The following BAZ2B variants were observed in gnomAD, a reference collection of about 807,000 sequenced individuals.
BAZ2B encodes the protein bromodomain adjacent to zinc finger domain protein 2B.
BAZ2B carries 91 observed loss-of-function variants against 246.0 expected under a neutral mutation model. That is an observed-to-expected ratio of 0.37 (90% CI 0.31 to 0.44). BAZ2B has a LOEUF of 0.44. Ranked by LOEUF, BAZ2B falls within the 20% of genes least tolerant of loss-of-function variation. The pLI, the probability that BAZ2B is intolerant of heterozygous loss-of-function variation, is 1.00. For missense variants in BAZ2B, 2,332 were observed against 2,533.7 expected, an observed-to-expected ratio of 0.92 and a Z score of 1.71; for synonymous variants, 855 against 860.0, an observed-to-expected ratio of 0.99 and a Z score of 0.10.
chr2:159,503,575 T>TA (rs1553682596), intron 2 of BAZ2B, among the ~76,000 whole-genome samples: 9 of 152,110 alleles, frequency 5.9e-5, no homozygotes, highest in Non-Finnish European at 1.2e-4. Context: ...CCTTCTTCTT[T>TA]TTTATTTATT....
intron 6 of BAZ2B, among the ~76,000 whole-genome samples, chr2:159,442,095 A>G (rs2073513720): frequency 6.6e-6 from 1 of 152,308 alleles, no homozygotes; most frequent in South Asian, 2.1e-4. Context: ...TGAGTGATAA[A>G]TACCATAAGT....
intron 22 of BAZ2B, 150 bp downstream of exon 22, chr2:159,386,203 G>T: frequency 1.1e-6 from 1 of 907,412 alleles, no homozygotes; most frequent in Non-Finnish European, 1.6e-6. Context: ...TGTATGAAGT[G>T]TAACCTGACA....
At chr2:159,528,538 C>G (rs553663836) in intron 2 of BAZ2B, among the ~76,000 whole-genome samples, 1 of 151,970 alleles carries the variant, frequency 6.6e-6, no homozygotes, top group East Asian at 1.9e-4. Context: ...GAAAAATTAG[C>G]CAGGTGTGGT....
At chr2:159,689,460 C>T in the BAZ2B span, 27 of 230,326 alleles carry the variant, frequency 1.2e-4, no homozygotes, top group Non-Finnish European at 1.1e-4. Context: ...CAACCTCTGC[C>T]TCCCAGGTTC....
At chr2:159,657,962 A>G in the BAZ2B span, among the ~76,000 whole-genome samples, 2 of 152,200 alleles carry the variant, frequency 1.3e-5, no homozygotes, top group African/African-American at 4.8e-5. Context: ...GCACTTCAGT[A>G]TGACACCGAA....
chr2:159,575,329 G>C (rs1006558177), intron 1 of BAZ2B, among the ~76,000 whole-genome samples: 14 of 152,026 alleles, frequency 9.2e-5, no homozygotes, highest in African/African-American at 3.4e-4. Flanking sequence ...ATGCAGAAAG[G>C]GAGAGTAGAT....
At chr2:159,524,262 T>C (rs1183853499) in intron 2 of BAZ2B, among the ~76,000 whole-genome samples, 1 of 151,466 alleles carries the variant, frequency 6.6e-6, no homozygotes, top group Non-Finnish European at 1.5e-5. Context: ...TCTACAAAAA[T>C]TTTAAAAAAT....
rs554608687 is a variant in BAZ2B, at chr2:159,456,811, A to T, written c.146-3010T>A. On this transcript the variant is annotated intron_variant, in intron 3 of 36. Coordinates refer to ENST00000392783, the MANE Select transcript of BAZ2B (RefSeq NM_013450.4). ...TTCACGTCTATATTTAGTAAAGTAT[A>T]CTAAGATCACTTATCATAATTGTAG... Among the ~76,000 whole-genome samples the T allele has an allele frequency of 3.9e-5, 6 of 152,314 alleles. No homozygotes were observed. In the East Asian group the frequency reaches 7.7e-4, roughly 20 times the overall value.
chr2:159,689,733 CT>C, the BAZ2B span: 1 of 459,380 alleles, frequency 2.2e-6, no homozygotes, highest in Non-Finnish European at 4.0e-6. Context: ...CAAGACTTTT[CT>C]ATGTCTTTTC....
chr2:159,423,290 T>A (rs544778205), intron 13 of BAZ2B, among the ~76,000 whole-genome samples: 1 of 140,530 alleles, frequency 7.1e-6, no homozygotes, highest in South Asian at 2.2e-4. Context: ...CACTCCAGCC[T>A]GGGTGACAGA....
chr2:159,587,779 A>T lies in BAZ2B; in HGVS notation c.-46+28463T>A, dbSNP rs1270909711. On this transcript the variant is annotated intron_variant, in intron 1 of 36. Transcript: ENST00000392783. ...CCCCTACTAGTCTGCGAACAGAAAG[A>T]AAAGTAACCACGTTATTCATCTCTG... Among the ~76,000 whole-genome samples the T allele has an allele frequency of 2.0e-5, 3 of 152,232 alleles. No individual in the cohort carries two copies. The East Asian group carries it at 5.8e-4, about 29-fold the overall frequency.
intron 20 of BAZ2B, among the ~76,000 whole-genome samples, chr2:159,391,722 C>T (rs1019426099): frequency 6.6e-6 from 1 of 151,884 alleles, no homozygotes; most frequent in East Asian, 1.9e-4. Flanking sequence ...TGGTGACATG[C>T]AATACTTTTT....
rs190866790 is a variant in BAZ2B, at chr2:159,438,776, C to T, written c.901-81G>A. On this transcript the variant is annotated intron_variant, in intron 7 of 36. Coordinates refer to ENST00000392783, the MANE Select transcript of BAZ2B (RefSeq NM_013450.4). ...AAGCAGTAAAACCTGGAGATAAAAA[C>T]GGGTACTTTCAAAGTGTTCTTAATG... 1.2e-4 allele frequency: 175 copies of T among 1,461,408 alleles called. No individual in the cohort carries two copies. In the African/African-American group the frequency reaches 2.1e-3, roughly 18 times the overall value. The allele number at this position is 1,461,408 out of a possible 1,614,324, so 90.5% of individuals were successfully genotyped here.
At chr2:159,428,070 C>A in intron 12 of BAZ2B, 28 bp from the exon 13 acceptor site, 1 of 1,595,988 alleles carries the variant, frequency 6.3e-7, no homozygotes, top group Non-Finnish European at 8.6e-7. Context: ...TTTTCCACTT[C>A]AGGTTTTAAT....
At chr2:159,357,018 A>C (rs2059185660) in intron 27 of BAZ2B, among the ~76,000 whole-genome samples, 1 of 152,152 alleles carries the variant, frequency 6.6e-6, no homozygotes, top group Admixed American at 6.5e-5. Context: ...AAGATGAAGA[A>C]AAACGAACGC....
At chr2:159,605,981 G>GTGTTTACTATTCACAC (rs1235308037) in intron 1 of BAZ2B, among the ~76,000 whole-genome samples, 4 of 152,184 alleles carry the variant, frequency 2.6e-5, no homozygotes, top group Non-Finnish European at 4.4e-5. Flanking sequence ...CCTGGACCAA[G>GTGTTTACTATTCACAC]TGTTTACTAT....
chr2:159,600,830 C>T (rs188466192), intron 1 of BAZ2B, among the ~76,000 whole-genome samples: 97 of 152,292 alleles, frequency 6.4e-4, no homozygotes, highest in African/African-American at 2.3e-3. Context: ...AGAAAATAAT[C>T]GAGCTACTTT....
chr2:159,374,542 T>C, intron 26 of BAZ2B, 149 bp downstream of exon 26: 2 of 654,458 alleles, frequency 3.1e-6, no homozygotes, highest in South Asian at 3.9e-5. Flanking sequence ...CTTATTTTTT[T>C]TTCTGACAAA....
intron 1 of BAZ2B, among the ~76,000 whole-genome samples, chr2:159,609,519 A>T (rs1313324168): frequency 6.6e-6 from 1 of 152,208 alleles, no homozygotes; most frequent in African/African-American, 2.4e-5. Flanking sequence ...TATTATTAGC[A>T]ATATTTCCAA....
Sources: allele counts gnomAD v4.1 joint callset (sites outside exome capture counted in the v4.1 genomes callset), GRCh38; gene constraint gnomAD v4.1.1; transcripts MANE v1.5; gene names NCBI Gene and HGNC (gene_info 2026-07-23, HGNC 2026-07-21).